The following ADAM10 variants were observed in gnomAD, a reference collection of about 807,000 sequenced individuals.
The protein encoded by ADAM10 is ADAM metallopeptidase domain 10, also known as disintegrin and metalloproteinase domain-containing protein 10.
ADAM10 carries 17 observed loss-of-function variants against 90.1 expected under a neutral mutation model. That is an observed-to-expected ratio of 0.19 (90% confidence interval 0.13 to 0.28). ADAM10 has a LOEUF of 0.28. ADAM10 is among the 10% of genes least tolerant of loss of function. The pLI is 1.00. For missense variants in ADAM10, 610 were observed against 914.3 expected (o/e 0.67, Z 4.29); for synonymous variants, 310 against 298.6 (o/e 1.04, Z -0.40).
At chr15:58,681,411 A>G (rs187119750) in intron 3 of ADAM10, among the ~76,000 whole-genome samples, 33 of 152,328 alleles carry the variant, frequency 2.2e-4, no homozygotes, top group African/African-American at 7.7e-4. Flanking sequence ...GAAAAATGAG[A>G]AAAAATTCTT....
intron 2 of ADAM10, chr15:58,691,676 C>CTTCTTTTTTTTTTTTTTTTTTTTT (rs746349800): frequency 5.1e-6 from 1 of 196,356 alleles, no homozygotes. Context: ...ACTTCTTCTT[C>CTTCTTTTTTTTTTTTTTTTTTTTT]TTTTTTTTTT....
At chr15:58,607,658 A>T (rs1291174208) in intron 14 of ADAM10, among the ~76,000 whole-genome samples, 2 of 152,232 alleles carry the variant, frequency 1.3e-5, no homozygotes, top group Non-Finnish European at 2.9e-5. Flanking sequence ...TAAAATGAGA[A>T]TGTGTTTGAC....
chr15:58,727,784 T>TCAAAA lies in ADAM10; in HGVS notation c.56-10062_56-10058dup, dbSNP rs537444634. 2.7e-3 allele frequency among the ~76,000 whole-genome samples: 407 copies of TCAAAA among 151,476 alleles called. 1 individual carries two copies. The highest frequency in any genetic ancestry group is 9.4e-3 in the African/African-American group (387 of 41,258). Reference sequence around the variant, plus strand: ...ACAGTAATAGCTGAAAAAACAAACTTCAAAACAAAACAAAAAAAATTATGA... The same window carrying TCAAAA: ...ACAGTAATAGCTGAAAAAACAAACTTCAAAACAAAACAAAACAAAAAAAATTATGA... On this transcript the variant is annotated intron_variant, in intron 1 of 15. Transcript: ENST00000260408.
Position 58,727,999 on chromosome 15 carries a change from T to G in ADAM10, c.56-10272A>C, listed in dbSNP as rs189390085. On this transcript the variant is annotated intron_variant, in intron 1 of 15. Coordinates refer to ENST00000260408, the MANE Select transcript of ADAM10 (RefSeq NM_001110.4). ...CAGACAAAAAAATCAGTAAGATTAT[T>G]AAAAACTTAAACACAAAGAACTTGA... 6.8e-4 allele frequency among the ~76,000 whole-genome samples: 104 copies of G among 152,290 alleles called. 2 individuals are homozygous for G. The highest frequency in any genetic ancestry group is 3.2e-4 in the Non-Finnish European group (22 of 68,018).
intron 4 of ADAM10, among the ~76,000 whole-genome samples, chr15:58,673,858 T>C (rs1022089049): frequency 4.0e-5 from 6 of 151,728 alleles, no homozygotes; most frequent in Admixed American, 2.6e-4. Flanking sequence ...CCTCAGCCTC[T>C]CGAGTAGCTG....
chr15:58,603,940 G>T (rs1203377836), intron 14 of ADAM10, among the ~76,000 whole-genome samples: 1 of 110,270 alleles, frequency 9.1e-6, no homozygotes, highest in Non-Finnish European at 2.0e-5. Flanking sequence ...ACTAAAAAAA[G>T]AATAATCAAA....
At chr15:58,615,732 G>C (rs371645462) in intron 11 of ADAM10, among the ~76,000 whole-genome samples, 4 of 152,292 alleles carry the variant, frequency 2.6e-5, no homozygotes, top group South Asian at 2.1e-4. Context: ...AAGAGGGCCA[G>C]GCACAGTGGC....
intron 6 of ADAM10, among the ~76,000 whole-genome samples, chr15:58,645,258 T>C (rs549634341): frequency 6.6e-6 from 1 of 152,342 alleles, no homozygotes; most frequent in South Asian, 2.1e-4. Context: ...TGTCTTGAAA[T>C]TTATTTGTTC....
chr15:58,716,032 A>G (rs1452756395), intron 2 of ADAM10, among the ~76,000 whole-genome samples: 2 of 152,200 alleles, frequency 1.3e-5, no homozygotes, highest in Admixed American at 1.3e-4. Context: ...ATCTAGAAGA[A>G]AAGACCCTGA....
chr15:58,631,121 A>G (rs1566973447), intron 9 of ADAM10, among the ~76,000 whole-genome samples: 2 of 152,100 alleles, frequency 1.3e-5, no homozygotes, highest in African/African-American at 2.4e-5. Context: ...GTTGCCCTCC[A>G]TCATAAGTGG....
At chr15:58,706,495 T>C (rs1055858113) in intron 2 of ADAM10, among the ~76,000 whole-genome samples, 1 of 152,216 alleles carries the variant, frequency 6.6e-6, no homozygotes, top group Non-Finnish European at 1.5e-5. Flanking sequence ...AAGTTGCCAA[T>C]ATTAACAACA....
At chr15:58,603,374 C>CCTT (rs1358954903) in intron 14 of ADAM10, among the ~76,000 whole-genome samples, 5 of 152,226 alleles carry the variant, frequency 3.3e-5, no homozygotes, top group African/African-American at 1.2e-4. Flanking sequence ...CAGTAGAGCC[C>CCTT]CTTCAGTTAC....
At chr15:58,729,991 C>T (rs796288312) in intron 1 of ADAM10, among the ~76,000 whole-genome samples, 1 of 120,910 alleles carries the variant, frequency 8.3e-6, no homozygotes, top group Admixed American at 8.9e-5. Context: ...AAAAACAAAA[C>T]AAACAAACAA....
At position 58,676,197 on chromosome 15, in the gene ADAM10, C is replaced by T. The variant is rs151105466; in HGVS notation, c.484+2927G>A. 3,351 of 428,592 alleles carry T rather than the reference C, an allele frequency of 7.8e-3. 23 individuals are homozygous for T. Among genetic ancestry groups the T allele is most frequent in the South Asian group, 0.012 (733 of 59,126 alleles). The allele number at this position is 428,592 out of a possible 1,614,324, so 26.5% of individuals were successfully genotyped here. A position where few individuals can be genotyped will look rare whatever the true frequency, so the allele number is the denominator to read the frequency against. On this transcript the variant is annotated intron_variant, in intron 4 of 15. Coordinates refer to ENST00000260408, the MANE Select transcript of ADAM10 (RefSeq NM_001110.4). ...AAGTAAAGGCAGTGAGAATTTACAGCTTTCTTCCATGAGTGAAGCAGAAGA... is the reference window on the plus strand; with the variant it reads ...AAGTAAAGGCAGTGAGAATTTACAGTTTTCTTCCATGAGTGAAGCAGAAGA...
At chr15:58,705,876 T>C (rs907700691) in intron 2 of ADAM10, among the ~76,000 whole-genome samples, 1 of 152,218 alleles carries the variant, frequency 6.6e-6, no homozygotes, top group Non-Finnish European at 1.5e-5. Context: ...GTTATCATAA[T>C]TGTTCTCTTT....
intron 11 of ADAM10, among the ~76,000 whole-genome samples, chr15:58,616,944 T>A (rs1595994285): frequency 6.6e-6 from 1 of 151,846 alleles, no homozygotes; most frequent in African/African-American, 2.4e-5. Context: ...CCGTCTCTAC[T>A]AAAAACACAA....
At chr15:58,739,674 G>A (rs1358426529) in intron 1 of ADAM10, among the ~76,000 whole-genome samples, 1 of 152,160 alleles carries the variant, frequency 6.6e-6, no homozygotes, top group African/African-American at 2.4e-5. Flanking sequence ...TCTCCGTTAT[G>A]CTAGATTAGA....
At chr15:58,603,310 C>A (rs1382728490) in intron 14 of ADAM10, among the ~76,000 whole-genome samples, 1 of 152,128 alleles carries the variant, frequency 6.6e-6, no homozygotes, top group African/African-American at 2.4e-5. Context: ...CAGTACACGA[C>A]CATTTTGAGT....
intron 5 of ADAM10, among the ~76,000 whole-genome samples, chr15:58,664,134 C>G (rs1897026797): frequency 6.6e-6 from 1 of 152,006 alleles, no homozygotes; most frequent in Admixed American, 6.6e-5. Context: ...TTGGAATAGT[C>G]TTTCCATATC....
Sources: gnomAD v4.1 joint callset for allele counts (sites outside exome capture counted in the v4.1 genomes callset) on GRCh38, gnomAD v4.1.1 for gene constraint, MANE v1.5 for transcripts, NCBI Gene and HGNC (gene_info 2026-07-23, HGNC 2026-07-21) for gene names.